Variants in PFKFB3 observed in about 807,000 individuals in gnomAD.
PFKFB3 encodes 6-phosphofructo-2-kinase/fructose-2,6-biphosphatase 3, also known as 6-phosphofructo-2-kinase/fructose-2,6-bisphosphatase 3.
Under a neutral mutation model 68.0 loss-of-function variants are expected in PFKFB3, and 33 were observed. That is an observed-to-expected ratio of 0.49 (90% CI 0.37 to 0.65). PFKFB3 has a LOEUF of 0.65. PFKFB3 is among the 30% of genes least tolerant of loss of function. PFKFB3 has a pLI of 0.00. For synonymous variants in PFKFB3, 315 were observed against 288.2 expected (o/e 1.09, Z -0.94); for missense variants, 586 against 712.2 (o/e 0.82, Z 2.02).
intron 4 of PFKFB3, 59 bp downstream of exon 4, chr10:6,216,250 C>A: frequency 6.7e-7 from 1 of 1,493,408 alleles, no homozygotes; most frequent in Non-Finnish European, 9.3e-7. Context: ...GGTGTCCTCA[C>A]CGGCCTGGGG....
chr10:6,213,854 T>C (rs2073629), intron 2 of PFKFB3, 106 bp downstream of exon 2: 101,312 of 1,241,344 alleles, frequency 0.082, 6,845 homozygotes, highest in East Asian at 0.28. Context: ...CTCTGTCCCC[T>C]GGTCGGGGAG....
At chr10:6,313,068 C>T in the PFKFB3 span, among the ~76,000 whole-genome samples, 1 of 152,312 alleles carries the variant, frequency 6.6e-6, no homozygotes, top group Admixed American at 6.5e-5. The surrounding 1 kb of genome is among the most constrained non-coding windows in gnomAD (Gnocchi z 4.2). Context: ...AGTTTTAGCT[C>T]GCATGAGAAA....
At chr10:6,282,552 C>G in the PFKFB3 span, among the ~76,000 whole-genome samples, 2 of 152,176 alleles carry the variant, frequency 1.3e-5, no homozygotes, top group African/African-American at 4.8e-5. Context: ...CCCTACCATC[C>G]AATGGGCCAG....
intron 14 of PFKFB3, chr10:6,231,145 T>C: frequency 1.3e-6 from 1 of 783,218 alleles, no homozygotes; most frequent in Non-Finnish European, 2.2e-6. Context: ...ACCTGGCATT[T>C]GTGATGCAAC....
the PFKFB3 span, among the ~76,000 whole-genome samples, chr10:6,279,101 A>C: frequency 6.6e-6 from 1 of 152,260 alleles, no homozygotes; most frequent in Non-Finnish European, 1.5e-5. Context: ...ATTGATGTGC[A>C]TAAGATCATA....
the PFKFB3 span, chr10:6,326,559 A>G: frequency 4.4e-6 from 2 of 456,134 alleles, no homozygotes; most frequent in Non-Finnish European, 8.8e-6. Flanking sequence ...TGGAGTTACC[A>G]GTAAGGAGCT....
At chr10:6,319,246 AT>A in the PFKFB3 span, among the ~76,000 whole-genome samples, 1 of 152,242 alleles carries the variant, frequency 6.6e-6, no homozygotes, top group Non-Finnish European at 1.5e-5. Context: ...AATAGCAAAG[AT>A]AAGAAATTAA....
intron 1 of PFKFB3, among the ~76,000 whole-genome samples, chr10:6,145,881 G>C (rs1447820939): frequency 6.6e-6 from 1 of 152,236 alleles, no homozygotes; most frequent in Non-Finnish European, 1.5e-5. Flanking sequence ...CCGGACCCCG[G>C]TTTACAGGCC....
At chr10:6,150,215 C>T (rs570700220) in intron 1 of PFKFB3, among the ~76,000 whole-genome samples, 1 of 152,216 alleles carries the variant, frequency 6.6e-6, no homozygotes, top group Non-Finnish European at 1.5e-5. Context: ...ATTTGAGTTA[C>T]GGTCTATACC....
chr10:6,250,390 C>T (rs1268518805), intron 14 of PFKFB3, among the ~76,000 whole-genome samples: 1 of 151,802 alleles, frequency 6.6e-6, no homozygotes. Context: ...ACGGTGAAAC[C>T]CTCCCTGTCT....
chr10:6,203,185 G>C lies in PFKFB3; in HGVS notation c.-76G>C. ...ACGCCCCCCTCTCCTCCTTTGTTCC[G>C]GGGGTCGGCGGCCGCTCTCCTGCCA... On this transcript the variant is annotated 5_prime_UTR_variant, in exon 1 of 15. Transcript: ENST00000379775. 1.9e-6 allele frequency: 3 copies of C among 1,558,948 alleles called. No individual in the cohort carries two copies. The highest frequency in any genetic ancestry group is 1.7e-6 in the Non-Finnish European group (2 of 1,153,168).
At chr10:6,202,865 C>G (rs988911459), upstream of PFKFB3, 80 of 1,040,718 alleles carry the variant, frequency 7.7e-5, no homozygotes, top group Middle Eastern at 4.5e-4. Flanking sequence ...CGGCCCGCCC[C>G]GAGGCTGACG....
At chr10:6,239,105 G>A (rs762560710), downstream of PFKFB3, among the ~76,000 whole-genome samples, 5 of 152,114 alleles carry the variant, frequency 3.3e-5, no homozygotes, top group South Asian at 2.1e-4. Context: ...TTGCTGGGTC[G>A]GATGGTATTT....
At chr10:6,203,415 ACGCCCCTCTGCGGGGGGCG>A in intron 1 of PFKFB3, 79 bp downstream of exon 1, 1 of 1,089,464 alleles carries the variant, frequency 9.2e-7, no homozygotes, top group Non-Finnish European at 1.3e-6. Context: ...CTTTGTGCCG[ACGCCCCTCTGCGGGGGGCG>A]CGCCCGTGCG....
intron 1 of PFKFB3, among the ~76,000 whole-genome samples, chr10:6,182,359 T>TGCA (rs1842737836): frequency 6.6e-6 from 1 of 152,134 alleles, no homozygotes; most frequent in African/African-American, 2.4e-5. Flanking sequence ...ACCTCCCCAC[T>TGCA]GCAGCAGCAG....
At chr10:6,289,698 G>C in the PFKFB3 span, among the ~76,000 whole-genome samples, 1 of 152,122 alleles carries the variant, frequency 6.6e-6, no homozygotes, top group African/African-American at 2.4e-5. Flanking sequence ...GCTCTTTTTG[G>C]TTCCATATGA....
rs35447462 is a variant in PFKFB3 at position 6,208,371 on chromosome 10, C to CTTTTTTTTTTTTTTTTTTTTTTT, written c.76+5057_76+5058insTTTTTTTTTTTTTTTTTTTTTTT. On this transcript the variant is annotated intron_variant, in intron 1 of 14. Transcript: ENST00000379775. The stretch of plus-strand genomic sequence containing the variant: ...ACAGGTGTAAGCCAGGGTACCTGGC[C>CTTTTTTTTTTTTTTTTTTTTTTT]TTTTTTTTTTTTTTTTTTTTTTGCC... 2.0e-4 allele frequency among the ~76,000 whole-genome samples: 12 copies of CTTTTTTTTTTTTTTTTTTTTTTT among 60,636 alleles called. 3 individuals carry two copies. The highest frequency in any genetic ancestry group is 7.9e-4 in the South Asian group (1 of 1,264). 39.8% of individuals were successfully genotyped at this position (60,636 alleles called of 152,430 possible). A position where few individuals can be genotyped will look rare whatever the true frequency, so the allele number is the denominator to read the frequency against.
At chr10:6,155,455 C>A (rs1027824583) in intron 1 of PFKFB3, among the ~76,000 whole-genome samples, 1 of 152,158 alleles carries the variant, frequency 6.6e-6, no homozygotes, top group African/African-American at 2.4e-5. Context: ...CCGCCCGTCT[C>A]AGCCTCCCAA....
chr10:6,217,228 G>A lies in PFKFB3; in HGVS notation c.498+37G>A, dbSNP rs376925241. On this transcript the variant is annotated intron_variant, in intron 6 of 14. Transcript: ENST00000379775. ...GGGAGCCCCGTGCTTCTGCGGCAGC[G>A]TAGACCACAAGGGCATTTGCAGTCT... The A allele has an allele frequency of 1.8e-5, 29 of 1,579,158 alleles. No homozygotes were observed. In the African/African-American group the frequency reaches 2.4e-4, roughly 13 times the overall value.
Sources: gnomAD v4.1 joint callset for allele counts (sites outside exome capture counted in the v4.1 genomes callset) on GRCh38, gnomAD v4.1.1 for gene constraint, Gnocchi (gnomAD v3.1) non-coding constraint, MANE v1.5 for transcripts, NCBI Gene and HGNC (gene_info 2026-07-23, HGNC 2026-07-21) for gene names.